SMARCA1: variants seen among roughly 807,000 people sequenced by gnomAD.
SMARCA1 encodes the protein SNF2 related chromatin remodeling ATPase 1.
A neutral mutation model predicts 93.6 loss-of-function variants in SMARCA1; 17 were observed. The observed-to-expected ratio is 0.18, with a 90% confidence interval of 0.12 to 0.27. SMARCA1 has a LOEUF of 0.27. Ranked by LOEUF, SMARCA1 falls within the 10% of genes least tolerant of loss-of-function variation. SMARCA1 has a pLI of 1.00. For synonymous variants in SMARCA1, 271 were observed against 271.4 expected, an observed-to-expected ratio of 1.00 and a Z score of 0.01; for missense variants, 630 against 819.0, an observed-to-expected ratio of 0.77 and a Z score of 2.82.
intron 1 of SMARCA1, 147 bp downstream of exon 1, chrX:129,523,050 G>T: frequency 1.6e-6 from 1 of 617,939 alleles, no homozygotes; most frequent in Non-Finnish European, 2.4e-6. Flanking sequence ...AACGCCAGGC[G>T]GTTCCGCCGC....
chrX:129,516,655 T>C (rs778598019), intron 2 of SMARCA1, among the ~76,000 whole-genome samples, 158 bp from the exon 3 acceptor site: 8 of 112,031 alleles, frequency 7.1e-5, no homozygotes, highest in Non-Finnish European at 1.1e-4. Context: ...ATCATCTCCA[T>C]TGTAACTACA....
intron 17 of SMARCA1, among the ~76,000 whole-genome samples, chrX:129,482,550 T>A (rs1320643551): frequency 9.0e-6 from 1 of 111,348 alleles, no homozygotes; most frequent in Non-Finnish European, 1.9e-5. Context: ...AAATTATTTT[T>A]TTCCACCTGC....
intron 12 of SMARCA1, among the ~76,000 whole-genome samples, chrX:129,494,015 T>C (rs1180493319): frequency 8.9e-6 from 1 of 111,832 alleles, no homozygotes; most frequent in Non-Finnish European, 1.9e-5. Context: ...GTGGACAACA[T>C]AAAGGGAAAG....
chrX:129,521,219 G>C lies in SMARCA1; in HGVS notation c.174+1978C>G, dbSNP rs751409047. 1.6e-4 allele frequency among the ~76,000 whole-genome samples: 18 copies of C among 111,875 alleles called. No homozygotes were observed. In the South Asian group the frequency reaches 2.6e-3, roughly 16 times the overall value. On this transcript the variant is annotated intron_variant, in intron 1 of 24. Transcript: ENST00000371121. ...TATTTTTAAAAATCAACACAACACT[G>C]CAAGAGTCTGGTAGGTGGTTACTTA...
intron 19 of SMARCA1, among the ~76,000 whole-genome samples, chrX:129,474,350 T>A (rs1024695583): frequency 3.6e-5 from 4 of 111,840 alleles, no homozygotes; most frequent in Non-Finnish European, 5.6e-5. Context: ...ATCCTTCTCT[T>A]AAACATTTTC....
chrX:129,478,349 T>C (rs1250859633), intron 19 of SMARCA1, among the ~76,000 whole-genome samples: 1 of 112,182 alleles, frequency 8.9e-6, no homozygotes, highest in African/African-American at 3.2e-5. Context: ...GTATTACACT[T>C]TAAAAAAAGG....
chrX:129,499,095 T>C (rs1330282735), intron 10 of SMARCA1, among the ~76,000 whole-genome samples: 1 of 111,611 alleles, frequency 9.0e-6, no homozygotes, highest in African/African-American at 3.3e-5. Context: ...TGGAGTGCAG[T>C]GGCACAAACA....
At chrX:129,495,820 A>G (rs757927436) in intron 12 of SMARCA1, among the ~76,000 whole-genome samples, 125 of 103,496 alleles carry the variant, frequency 1.2e-3, no homozygotes, top group African/African-American at 4.2e-3. Context: ...CCCAGGCTGG[A>G]GCGGTGCAAT....
At chrX:129,511,131 T>C (rs980200524) in intron 6 of SMARCA1, among the ~76,000 whole-genome samples, 6 of 111,662 alleles carry the variant, frequency 5.4e-5, no homozygotes, top group African/African-American at 9.7e-5. Flanking sequence ...TTACATAATA[T>C]ATTATTTTTA....
chrX:129,466,195 G>A (rs1259749717), intron 21 of SMARCA1, among the ~76,000 whole-genome samples: 1 of 111,233 alleles, frequency 9.0e-6, no homozygotes, highest in Non-Finnish European at 1.9e-5. Flanking sequence ...TCATGAAATA[G>A]TACGGAGTCT....
intron 6 of SMARCA1, 102 bp downstream of exon 6, chrX:129,511,702 T>C: frequency 1.6e-6 from 1 of 607,203 alleles, no homozygotes; most frequent in East Asian, 3.3e-5. Context: ...AAGTCTTATT[T>C]AGTAGTAGTC....
At chrX:129,482,277 C>A (rs1382793662) in intron 17 of SMARCA1, among the ~76,000 whole-genome samples, 1 of 104,617 alleles carries the variant, frequency 9.6e-6, no homozygotes, top group Non-Finnish European at 2.0e-5. Context: ...CACATGTATA[C>A]ATATGTAACT....
chrX:129,471,370 T>A, intron 19 of SMARCA1, 44 bp from the exon 20 acceptor site: 1 of 978,438 alleles, frequency 1.0e-6, no homozygotes, highest in Non-Finnish European at 1.4e-6. Flanking sequence ...ATGAGAAAAA[T>A]TAATTACTAA....
intron 23 of SMARCA1, among the ~76,000 whole-genome samples, chrX:129,459,363 G>A (rs756497623): frequency 8.9e-6 from 1 of 111,907 alleles, no homozygotes; most frequent in Non-Finnish European, 1.9e-5. Flanking sequence ...AGGTTGCAGT[G>A]AACCGAGATT....
chrX:129,521,998 C>T (rs1835022491), intron 1 of SMARCA1, among the ~76,000 whole-genome samples: 1 of 111,927 alleles, frequency 8.9e-6, no homozygotes, highest in South Asian at 3.7e-4. Context: ...ATGATTCAGA[C>T]AAAGCCACTT....
intron 10 of SMARCA1, among the ~76,000 whole-genome samples, chrX:129,498,774 A>G (rs1934437428): frequency 9.0e-6 from 1 of 111,648 alleles, no homozygotes; most frequent in African/African-American, 3.3e-5. Context: ...TCTCTACCCT[A>G]TACTGGCTTA....
At chrX:129,504,496 G>C (rs1026218089) in intron 9 of SMARCA1, among the ~76,000 whole-genome samples, 2 of 95,044 alleles carry the variant, frequency 2.1e-5, no homozygotes, top group African/African-American at 8.2e-5. Flanking sequence ...TATTCACAGG[G>C]GAGAGCCAAA....
At chrX:129,516,121 G>C in intron 3 of SMARCA1, 127 bp from the exon 4 acceptor site, 1 of 608,589 alleles carries the variant, frequency 1.6e-6, no homozygotes, top group Non-Finnish European at 2.5e-6. Context: ...TTAGAAATCA[G>C]TAGAACCAGC....
rs188988114 is a variant in SMARCA1 at position 129,517,991 on chromosome X, T to C, written c.261+370A>G. ...GAAACAAAAATACGTCAATCTGGCT[T>C]TGTGACTGGATTTCTCTCAGGTCAC... is the stretch of plus-strand genomic sequence containing the variant. On this transcript the variant is annotated intron_variant, in intron 2 of 24. Coordinates refer to ENST00000371121, the MANE Select transcript of SMARCA1 (RefSeq NM_001282874.2). Among the ~76,000 whole-genome samples, 7 of 111,066 alleles carry C rather than the reference T, an allele frequency of 6.3e-5. No individual in the cohort carries two copies. The East Asian group carries it at 2.0e-3, about 31-fold the overall frequency.
Sources: gnomAD v4.1 joint callset for allele counts (sites outside exome capture counted in the v4.1 genomes callset) on GRCh38, gnomAD v4.1.1 for gene constraint, MANE v1.5 for transcripts, NCBI Gene and HGNC (gene_info 2026-07-23, HGNC 2026-07-21) for gene names.